Variants in AOAH observed in about 807,000 individuals in gnomAD.
The protein encoded by AOAH is acyloxyacyl hydrolase.
In AOAH, 64 loss-of-function variants were observed where a neutral mutation model predicts 92.2. That is an observed-to-expected ratio of 0.69 (90% CI 0.57 to 0.86). The LOEUF (loss-of-function observed/expected upper bound fraction) is 0.86. AOAH is among the 40% of genes least tolerant of loss of function. AOAH has a pLI of 0.00. For synonymous variants in AOAH, 263 were observed against 254.5 expected (o/e 1.03, Z -0.32); for missense variants, 656 against 694.6 (o/e 0.94, Z 0.62).
chr7:36,562,053 T>C (rs1465522043), intron 13 of AOAH, among the ~76,000 whole-genome samples: 1 of 152,238 alleles, frequency 6.6e-6, no homozygotes, highest in Non-Finnish European at 1.5e-5. Flanking sequence ...GAGCCTAGAA[T>C]TCTCTTTGCT....
chr7:36,656,884 G>GT, intron 4 of AOAH, among the ~76,000 whole-genome samples: 1 of 149,010 alleles, frequency 6.7e-6, no homozygotes, highest in Middle Eastern at 3.4e-3. Flanking sequence ...GTTTGGTGGG[G>GT]GGTGTTGGCA....
At chr7:36,612,562 GCAGATGTGAAATTA>G (rs1295176337) in intron 11 of AOAH, among the ~76,000 whole-genome samples, 4 of 152,140 alleles carry the variant, frequency 2.6e-5, no homozygotes, top group Admixed American at 6.5e-5. Context: ...AGGCAAATTT[GCAGATGTGAAATTA>G]CAGATGTGAA....
chr7:36,711,745 C>A lies in AOAH; in HGVS notation c.127+12277G>T, dbSNP rs574890029. 1.3e-3 allele frequency among the ~76,000 whole-genome samples: 195 copies of A among 152,172 alleles called. 3 individuals carry two copies. The Middle Eastern group carries it at 0.041, about 32-fold the overall frequency. Reference sequence around the variant, plus strand: ...GCTAGACCGCGAAGATCTGCCTGGCCCATGAGGGTGGAATGTGTGGTGGGT... The same window carrying A: ...GCTAGACCGCGAAGATCTGCCTGGCACATGAGGGTGGAATGTGTGGTGGGT... On this transcript the variant is annotated intron_variant, in intron 1 of 20. Transcript: ENST00000617537.
intron 13 of AOAH, among the ~76,000 whole-genome samples, chr7:36,552,011 CA>C (rs1786296649): frequency 6.6e-6 from 1 of 152,128 alleles, no homozygotes. Flanking sequence ...TCCCATCACC[CA>C]GGTACTGAGC....
chr7:36,651,413 G>C (rs1308028710), intron 4 of AOAH, among the ~76,000 whole-genome samples: 1 of 152,096 alleles, frequency 6.6e-6, no homozygotes, highest in Non-Finnish European at 1.5e-5. Context: ...ACAGACTTGG[G>C]ATAGTTAAAA....
At position 36,637,854 on chromosome 7, in the gene AOAH, A is replaced by C. The variant is rs1275936384; in HGVS notation, c.447T>G (p.Ile149Met). 2 of 1,614,026 alleles carry C rather than the reference A, an allele frequency of 1.2e-6. No individual in the cohort carries two copies. Among genetic ancestry groups the C allele is most frequent in the South Asian group, 2.2e-5 (2 of 91,072 alleles). ...GTTCTACGTGCTTAGTGCTTACCAG[A>C]ATCGGGGACTTCTTGACAATTTGTC... ...KARQIVKKSP[I>M]LKYSRSGSDI... Residue 149 changes from isoleucine to methionine, a missense_variant, in exon 5 of 21, where the codon ATT (isoleucine) becomes ATG (methionine). Coordinates refer to ENST00000617537, the MANE Select transcript of AOAH (RefSeq NM_001637.4).
intron 1 of AOAH, among the ~76,000 whole-genome samples, chr7:36,704,945 C>T (rs528343386): frequency 2.0e-5 from 3 of 152,202 alleles, no homozygotes; most frequent in African/African-American, 7.2e-5. Flanking sequence ...ATTCAACACC[C>T]CTTCATGCTA....
intron 13 of AOAH, among the ~76,000 whole-genome samples, chr7:36,551,592 C>T (rs1445192103): frequency 1.3e-5 from 2 of 152,202 alleles, no homozygotes; most frequent in Admixed American, 6.5e-5. Context: ...ATTCTAGGCA[C>T]CTCATGTAGA....
chr7:36,603,606 CTG>C (rs2115726528), intron 11 of AOAH, among the ~76,000 whole-genome samples: 1 of 152,286 alleles, frequency 6.6e-6, no homozygotes, highest in Admixed American at 6.5e-5. Context: ...CGTTTGGTCT[CTG>C]TTGTGACTGC....
chr7:36,663,418 C>T (rs1489143065), intron 3 of AOAH, among the ~76,000 whole-genome samples: 1 of 152,178 alleles, frequency 6.6e-6, no homozygotes, highest in African/African-American at 2.4e-5. Context: ...ATTACAGTAT[C>T]ATACAGATTA....
rs1785964287 is a variant in AOAH, at chr7:36,548,619, A to G, written c.1126T>C (p.Cys376Arg). 4 of 1,613,472 alleles carry G rather than the reference A, an allele frequency of 2.5e-6. No individual in the cohort carries two copies. Among genetic ancestry groups the G allele is most frequent in the Non-Finnish European group, 3.4e-6 (4 of 1,179,588 alleles). Residue 376 changes from cysteine to arginine, a missense_variant, in exon 15 of 21, where the codon TGC (cysteine) becomes CGC (arginine). Transcript: ENST00000617537. ...VIYAMIGNDV[C>R]SGKSDPVPAM... ...TTTTTCTCAATAACTCACCCACTGC[A>G]GACATCATTTCCAATCATGGCATAT...
At chr7:36,546,734 G>T (rs1785825717) in intron 15 of AOAH, among the ~76,000 whole-genome samples, 1 of 152,224 alleles carries the variant, frequency 6.6e-6, no homozygotes, top group Non-Finnish European at 1.5e-5. Context: ...TGGAGGACAT[G>T]CTCTGGGGGC....
chr7:36,722,210 T>C (rs933273458), intron 1 of AOAH, among the ~76,000 whole-genome samples: 2 of 152,188 alleles, frequency 1.3e-5, no homozygotes, highest in African/African-American at 4.8e-5. Flanking sequence ...AACAAATGGT[T>C]ATTATTGTAA....
intron 1 of AOAH, among the ~76,000 whole-genome samples, chr7:36,721,020 G>C (rs976716250): frequency 6.6e-6 from 1 of 152,224 alleles, no homozygotes; most frequent in African/African-American, 2.4e-5. Flanking sequence ...GCGAGAGAGC[G>C]GACCTCACTG....
chr7:36,550,080 C>A (rs9639733), intron 13 of AOAH: 53,401 of 152,254 alleles, frequency 0.35, 10,101 homozygotes, highest in Middle Eastern at 0.43. Context: ...CCAGACCGGG[C>A]GTGGTGGCTC....
intron 4 of AOAH, among the ~76,000 whole-genome samples, chr7:36,647,708 A>G (rs1794305779): frequency 6.6e-6 from 1 of 152,196 alleles, no homozygotes; most frequent in South Asian, 2.1e-4. Context: ...GATTCCAAAT[A>G]TGGGTGTTAA....
chr7:36,554,664 C>T (rs1175164869), intron 13 of AOAH, among the ~76,000 whole-genome samples: 8 of 151,450 alleles, frequency 5.3e-5, no homozygotes, highest in African/African-American at 1.9e-4. Context: ...TTTCATTGAG[C>T]AGTGGTTTGT....
intron 2 of AOAH, among the ~76,000 whole-genome samples, chr7:36,680,799 A>G (rs1201286216): frequency 6.6e-6 from 1 of 152,230 alleles, no homozygotes; most frequent in African/African-American, 2.4e-5. Context: ...AAATTGCTCC[A>G]GTTGAAAAGG....
chr7:36,575,504 C>T (rs1788429497), intron 13 of AOAH, among the ~76,000 whole-genome samples: 2 of 152,160 alleles, frequency 1.3e-5, no homozygotes, highest in Admixed American at 1.3e-4. Flanking sequence ...TTCCTTTTCC[C>T]TCCCTCAACA....
Sources: allele counts gnomAD v4.1 joint callset (sites outside exome capture counted in the v4.1 genomes callset), GRCh38; gene constraint gnomAD v4.1.1; transcripts MANE v1.5; gene names NCBI Gene and HGNC (gene_info 2026-07-23, HGNC 2026-07-21).